Variants in GALNT2 observed in about 807,000 individuals in gnomAD.
The protein encoded by GALNT2 is UDP-GalNAc:polypeptide N-acetylgalactosaminyltransferase 2.
A neutral mutation model predicts 81.4 loss-of-function variants in GALNT2; 31 were observed. That is an observed-to-expected ratio of 0.38 (90% CI 0.29 to 0.51). GALNT2 has a LOEUF of 0.51. GALNT2 is among the 20% of genes least tolerant of loss of function. The pLI is 0.87. For synonymous variants in GALNT2, 303 were observed against 287.4 expected (o/e 1.05, Z -0.55); for missense variants, 629 against 765.7 (o/e 0.82, Z 2.11).
intron 1 of GALNT2, among the ~76,000 whole-genome samples, chr1:230,089,377 T>G (rs1659993126): frequency 6.6e-6 from 1 of 152,100 alleles, no homozygotes; most frequent in South Asian, 2.1e-4. Context: ...GCCAGGCTGG[T>G]CTTGACCTCA....
intron 3 of GALNT2, among the ~76,000 whole-genome samples, chr1:230,234,111 G>T (rs1664951289): frequency 6.6e-6 from 1 of 152,202 alleles, no homozygotes; most frequent in South Asian, 2.1e-4. Flanking sequence ...CAAGAGTGGG[G>T]TCTTGGTGTG....
chr1:230,180,656 G>A (rs1663131734), intron 2 of GALNT2, among the ~76,000 whole-genome samples: 1 of 152,134 alleles, frequency 6.6e-6, no homozygotes. Context: ...AAAACAACTT[G>A]CTGGGATTTT....
In GALNT2 at chr1:230,232,597, C is replaced by T. The variant is rs955406041; in HGVS notation, c.375-3417C>T. 2.6e-4 allele frequency among the ~76,000 whole-genome samples: 39 copies of T among 152,334 alleles called. 1 individual carries two copies. Among genetic ancestry groups the T allele is most frequent in the Admixed American group, 2.1e-3 (32 of 15,300 alleles). On this transcript the variant is annotated intron_variant, in intron 3 of 15. Coordinates refer to ENST00000366672, the MANE Select transcript of GALNT2 (RefSeq NM_004481.5). ...TCATTCAACCTAGGTCTGCTCGTCT[C>T]AGCAATTCCCGCTGTGTTAAGTGGG... is the stretch of plus-strand genomic sequence containing the variant.
intron 1 of GALNT2, among the ~76,000 whole-genome samples, chr1:230,153,987 A>T (rs1662169560): frequency 1.3e-5 from 2 of 152,256 alleles, no homozygotes; most frequent in Non-Finnish European, 1.5e-5. Context: ...TGTCTACCTT[A>T]TAAAGACTCA....
chr1:230,267,252 AC>A (rs1437159698), intron 14 of GALNT2, among the ~76,000 whole-genome samples: 15 of 152,194 alleles, frequency 9.9e-5, no homozygotes, highest in African/African-American at 3.6e-4. Context: ...ACTTGGCAGT[AC>A]TATTTTGCTA....
In GALNT2 at chr1:230,281,710, G is replaced by C. The variant is rs932485695; in HGVS notation, c.*2252G>C. ...GCTGGGAGGCGGCTTTGGATGGTCC[G>C]GGCGTCAAGAGCAGGGGTGGGCCGG... On this transcript the variant is annotated 3_prime_UTR_variant, in exon 16 of 16. Coordinates refer to ENST00000366672, the MANE Select transcript of GALNT2 (RefSeq NM_004481.5). 5 of 152,740 alleles carry C rather than the reference G, an allele frequency of 3.3e-5. No individual in the cohort carries two copies. Among genetic ancestry groups the C allele is most frequent in the Admixed American group, 1.3e-4 (2 of 15,270 alleles). The allele number at this position is 152,740 out of a possible 1,614,324, so 9.5% of individuals were successfully genotyped here.
chr1:230,067,442 G>A, intron 1 of GALNT2, 36 bp downstream of exon 1: 1 of 885,052 alleles, frequency 1.1e-6, no homozygotes, highest in Non-Finnish European at 1.5e-6. Flanking sequence ...GGGCCCCTGC[G>A]CCCACCCCCC....
In GALNT2 at chr1:230,275,546, T is replaced by C. The variant is rs1003074688; in HGVS notation, c.1560+982T>C. Among the ~76,000 whole-genome samples, 3 of 151,224 alleles carry C rather than the reference T, an allele frequency of 2.0e-5. No individual in the cohort carries two copies. Among genetic ancestry groups the C allele is most frequent in the Non-Finnish European group, 4.4e-5 (3 of 67,674 alleles). On this transcript the variant is annotated intron_variant, in intron 15 of 15. Coordinates refer to ENST00000366672, the MANE Select transcript of GALNT2 (RefSeq NM_004481.5). This position sits in a 1 kb window ranked among gnomAD's most constrained non-coding sequence, Gnocchi z 5.5. ...TATACATGCCACATAGATATACATA[T>C]ATAAACGCCACATATATATACATAT...
intron 15 of GALNT2, among the ~76,000 whole-genome samples, chr1:230,276,123 C>T (rs560204168): frequency 2.0e-5 from 3 of 151,762 alleles, no homozygotes; most frequent in Admixed American, 6.6e-5. Flanking sequence ...ATAGACACCA[C>T]AGATATATAC....
chr1:230,090,294 G>T (rs1660032251), intron 1 of GALNT2, among the ~76,000 whole-genome samples: 1 of 152,174 alleles, frequency 6.6e-6, no homozygotes, highest in Non-Finnish European at 1.5e-5. Context: ...CTTGACATTT[G>T]TTGTCAAACT....
At chr1:230,191,114 A>G (rs1195656679) in intron 2 of GALNT2, among the ~76,000 whole-genome samples, 11 of 152,234 alleles carry the variant, frequency 7.2e-5, no homozygotes, top group Non-Finnish European at 2.9e-5. Context: ...ATCAGTAGCC[A>G]GAAATGTAAT....
chr1:230,120,054 C>T (rs982077754), intron 1 of GALNT2, among the ~76,000 whole-genome samples: 10 of 151,370 alleles, frequency 6.6e-5, no homozygotes, highest in Middle Eastern at 3.4e-3. Context: ...GGGCTCAGGG[C>T]GGCCTGCTTT....
intron 1 of GALNT2, among the ~76,000 whole-genome samples, chr1:230,083,420 G>A (rs1355702720): frequency 4.1e-5 from 6 of 147,524 alleles, no homozygotes; most frequent in Non-Finnish European, 6.0e-5. Context: ...ATGATGGAGC[G>A]GGGAGCCAAG....
chr1:230,160,317 G>A (rs1193877048), intron 1 of GALNT2, among the ~76,000 whole-genome samples: 1 of 152,186 alleles, frequency 6.6e-6, no homozygotes, highest in Non-Finnish European at 1.5e-5. Context: ...TTCTGTAGGC[G>A]AGAGTGAGCC....
chr1:230,098,684 A>G (rs1034273599), intron 1 of GALNT2, among the ~76,000 whole-genome samples: 1 of 152,136 alleles, frequency 6.6e-6, no homozygotes, highest in African/African-American at 2.4e-5. Flanking sequence ...GATAACATCA[A>G]GGTTGTTTGA....
At chr1:230,224,612 T>G (rs1307240044) in intron 3 of GALNT2, among the ~76,000 whole-genome samples, 1 of 152,266 alleles carries the variant, frequency 6.6e-6, no homozygotes, top group Non-Finnish European at 1.5e-5. Context: ...AGGGGAAACC[T>G]AATGTTTTTC....
At chr1:230,263,373 G>A (rs1052531983) in intron 13 of GALNT2, 15 of 220,150 alleles carry the variant, frequency 6.8e-5, no homozygotes, top group African/African-American at 2.7e-4. Flanking sequence ...CAAGCATGCA[G>A]TGTCTGCAGC....
intron 1 of GALNT2, among the ~76,000 whole-genome samples, chr1:230,158,530 G>C (rs1662331226): frequency 1.3e-5 from 2 of 152,172 alleles, no homozygotes; most frequent in South Asian, 4.1e-4. Context: ...TTTAGCCTGG[G>C]CTCCCTCTCT....
chr1:230,168,956 GT>G (rs1314174025), intron 1 of GALNT2, among the ~76,000 whole-genome samples: 1 of 152,090 alleles, frequency 6.6e-6, no homozygotes, highest in African/African-American at 2.4e-5. Flanking sequence ...TCTTCTTACT[GT>G]GACATTTTTT....
Sources: allele counts gnomAD v4.1 joint callset (sites outside exome capture counted in the v4.1 genomes callset), GRCh38; gene constraint gnomAD v4.1.1; non-coding constraint Gnocchi (gnomAD v3.1); transcripts MANE v1.5; gene names NCBI Gene and HGNC (gene_info 2026-07-23, HGNC 2026-07-21).